SLC38A4: variants seen among roughly 807,000 people sequenced by gnomAD.
The protein encoded by SLC38A4 is solute carrier family 38 member 4, also known as sodium-coupled neutral amino acid transporter 4.
Under a neutral mutation model 63.1 loss-of-function variants are expected in SLC38A4, and 20 were observed. That is an observed-to-expected ratio of 0.32 (90% CI 0.22 to 0.46). SLC38A4 has a LOEUF of 0.46. Ranked by LOEUF, SLC38A4 falls within the 20% of genes least tolerant of loss-of-function variation. SLC38A4 has a pLI of 1.00. For synonymous variants in SLC38A4, 230 were observed against 225.5 expected, an observed-to-expected ratio of 1.02 and a Z score of -0.18; for missense variants, 526 against 663.6, an observed-to-expected ratio of 0.79 and a Z score of 2.28.
upstream of SLC38A4, among the ~76,000 whole-genome samples, chr12:46,830,008 T>C (rs115268743): frequency 0.017 from 2,641 of 152,278 alleles, 90 homozygotes; most frequent in African/African-American, 0.061. Flanking sequence ...TACATATGTG[T>C]GAGCCGGAAT....
intron 7 of SLC38A4, among the ~76,000 whole-genome samples, chr12:46,781,782 A>G (rs1272146597): frequency 2.0e-5 from 3 of 152,116 alleles, no homozygotes; most frequent in Non-Finnish European, 2.9e-5. Context: ...TTAGAAGCGT[A>G]GTAGTGGCTA....
At chr12:46,784,934 G>T (rs916995195) in intron 6 of SLC38A4, among the ~76,000 whole-genome samples, 170 bp downstream of exon 6, 7 of 151,970 alleles carry the variant, frequency 4.6e-5, no homozygotes, top group Non-Finnish European at 1.0e-4. Flanking sequence ...TTTCACTCCT[G>T]CCTCTCACTT....
At chr12:46,793,308 C>A in intron 2 of SLC38A4, 125 bp from the exon 3 acceptor site, 1 of 320,744 alleles carries the variant, frequency 3.1e-6, no homozygotes, top group Non-Finnish European at 5.7e-6. Flanking sequence ...GAAAACTTTA[C>A]ATAAGAAAAT....
intron 1 of SLC38A4, among the ~76,000 whole-genome samples, chr12:46,807,373 A>C (rs1939254326): frequency 6.6e-6 from 1 of 151,950 alleles, no homozygotes; most frequent in Non-Finnish European, 1.5e-5. Flanking sequence ...TAGATTCATA[A>C]ACTCAAGATC....
chr12:46,813,978 T>C (rs1157768478), intron 1 of SLC38A4, among the ~76,000 whole-genome samples: 1 of 152,042 alleles, frequency 6.6e-6, no homozygotes, highest in African/African-American at 2.4e-5. Context: ...TTAATAAGTC[T>C]TTTTTGAATA....
At chr12:46,822,479 A>G (rs1939570022) in intron 1 of SLC38A4, among the ~76,000 whole-genome samples, 1 of 152,168 alleles carries the variant, frequency 6.6e-6, no homozygotes, top group East Asian at 1.9e-4. Flanking sequence ...AAAGCTAATA[A>G]GGTCCTGGCA....
intron 2 of SLC38A4, among the ~76,000 whole-genome samples, chr12:46,801,157 T>C (rs913752443): frequency 1.8e-4 from 28 of 152,226 alleles, no homozygotes; most frequent in Non-Finnish European, 3.8e-4. Flanking sequence ...AAACCAAGTA[T>C]TTAGAATATT....
intron 12 of SLC38A4, 54 bp from the exon 13 acceptor site, chr12:46,777,058 A>C (rs1938543702): frequency 7.1e-7 from 1 of 1,406,800 alleles, no homozygotes; most frequent in Non-Finnish European, 9.9e-7. Context: ...AAAAAAAATC[A>C]CTTTTCAAAA....
Position 46,784,536 on chromosome 12 carries a change from C to T in SLC38A4, c.493+6G>A. 3 of 1,609,070 alleles carry T rather than the reference C, an allele frequency of 1.9e-6. No homozygotes were observed. Among genetic ancestry groups the T allele is most frequent in the Non-Finnish European group, 2.5e-6 (3 of 1,176,962 alleles). On this transcript the variant is annotated splice_donor_region_variant and intron_variant, in intron 7 of 16. Transcript: ENST00000266579. ...ATGGGATCCATTGAAAAGTATATCC[C>T]CTTACCTCCAATGTTCTGCATTGTA...
chr12:46,805,975 T>G (rs901814000), intron 1 of SLC38A4, among the ~76,000 whole-genome samples: 1 of 151,734 alleles, frequency 6.6e-6, no homozygotes, highest in African/African-American at 2.4e-5. Context: ...TCAGCAGAAC[T>G]GCACAGCATG....
At chr12:46,782,350 T>G (rs1938661346) in intron 7 of SLC38A4, among the ~76,000 whole-genome samples, 1 of 152,012 alleles carries the variant, frequency 6.6e-6, no homozygotes, top group Non-Finnish European at 1.5e-5. Context: ...AAACAAATTA[T>G]GGCACATTTG....
chr12:46,812,439 A>G (rs143894173), intron 1 of SLC38A4, among the ~76,000 whole-genome samples: 119 of 152,096 alleles, frequency 7.8e-4, no homozygotes, highest in Middle Eastern at 3.4e-3. Flanking sequence ...ATGTCTGAAC[A>G]TGTTCTCTTC....
At chr12:46,810,468 C>G (rs1939318179) in intron 1 of SLC38A4, among the ~76,000 whole-genome samples, 1 of 151,572 alleles carries the variant, frequency 6.6e-6, no homozygotes, top group South Asian at 2.1e-4. Flanking sequence ...TGCAGCAAAC[C>G]ACCATGGCAT....
At chr12:46,807,882 A>C (rs1266071835) in intron 1 of SLC38A4, among the ~76,000 whole-genome samples, 1 of 75,296 alleles carries the variant, frequency 1.3e-5, no homozygotes, top group Non-Finnish European at 3.0e-5. Context: ...AGAGATAATT[A>C]AATGTTACCC....
chr12:46,793,134 C>T lies in SLC38A4; in HGVS notation c.-63G>A. ...CTTCAGTGTAAATAATATACTGTACCTTCAGCTTAAGGTTCTTCCACTTTG... is the reference window on the plus strand; with the variant it reads ...CTTCAGTGTAAATAATATACTGTACTTTCAGCTTAAGGTTCTTCCACTTTG... On this transcript the variant is annotated 5_prime_UTR_variant, in exon 3 of 17. Coordinates refer to ENST00000266579, the MANE Select transcript of SLC38A4 (RefSeq NM_018018.5). 3 of 1,181,440 alleles carry T rather than the reference C, an allele frequency of 2.5e-6. No homozygotes were observed. Among genetic ancestry groups the T allele is most frequent in the Non-Finnish European group, 3.8e-6 (3 of 792,668 alleles). The allele number at this position is 1,181,440 out of a possible 1,614,324, so 73.2% of individuals were successfully genotyped here.
intron 2 of SLC38A4, among the ~76,000 whole-genome samples, chr12:46,796,573 C>T (rs1039886566): frequency 6.6e-6 from 1 of 152,116 alleles, no homozygotes; most frequent in Non-Finnish European, 1.5e-5. Flanking sequence ...GTGTAAGTGG[C>T]TCTTCTGCTG....
At chr12:46,825,059 G>C (rs1360786150) in intron 1 of SLC38A4, among the ~76,000 whole-genome samples, 1 of 150,380 alleles carries the variant, frequency 6.6e-6, no homozygotes, top group South Asian at 2.1e-4. Context: ...CAGCTTCCTG[G>C]GTTTAATATT....
upstream of SLC38A4, among the ~76,000 whole-genome samples, chr12:46,828,333 T>G (rs75429708): frequency 0.031 from 4,731 of 152,254 alleles, 242 homozygotes; most frequent in African/African-American, 0.11. Context: ...TGGTTGGTTG[T>G]TTGTTTGAGA....
chr12:46,808,329 C>T (rs1003671299), intron 1 of SLC38A4, among the ~76,000 whole-genome samples: 1 of 151,908 alleles, frequency 6.6e-6, no homozygotes, highest in Non-Finnish European at 1.5e-5. Flanking sequence ...TGATCGCACG[C>T]CCCTCTCTTC....
Sources: allele counts gnomAD v4.1 joint callset (sites outside exome capture counted in the v4.1 genomes callset), GRCh38; gene constraint gnomAD v4.1.1; transcripts MANE v1.5; gene names NCBI Gene and HGNC (gene_info 2026-07-23, HGNC 2026-07-21).